SPRY3: variants seen among roughly 807,000 people sequenced by gnomAD.
SPRY3 encodes the protein protein sprouty homolog 3.
SPRY3 carries 15 observed loss-of-function variants against 20.2 expected under a neutral mutation model. That is an observed-to-expected ratio of 0.74 (90% CI 0.50 to 1.14). The LOEUF (loss-of-function observed/expected upper bound fraction) is 1.14. SPRY3 is among the 50% of genes most tolerant of loss of function. SPRY3 has a pLI of 0.00. For missense variants in SPRY3, 364 were observed against 363.9 expected, an observed-to-expected ratio of 1.00 and a Z score of 0.00; for synonymous variants, 143 against 136.5, an observed-to-expected ratio of 1.05 and a Z score of -0.33.
intron 2 of SPRY3, among the ~76,000 whole-genome samples, chrX:155,664,750 T>G (rs1325090715): frequency 9.1e-6 from 1 of 109,498 alleles, no homozygotes; most frequent in African/African-American, 3.3e-5. Context: ...GTAAAAATAA[T>G]AAGAAGAGTA....
intron 2 of SPRY3, among the ~76,000 whole-genome samples, chrX:155,725,448 TG>T (rs1232335929): frequency 6.6e-6 from 1 of 152,212 alleles, no homozygotes; most frequent in Non-Finnish European, 1.5e-5. Context: ...CGTCTGGTCC[TG>T]GACGTTTTTT....
intron 2 of SPRY3, among the ~76,000 whole-genome samples, chrX:155,743,158 A>G (rs1470394801): frequency 1.3e-5 from 2 of 152,180 alleles, no homozygotes; most frequent in Admixed American, 6.5e-5. Flanking sequence ...CCATAGAAAT[A>G]CAAACAACCA....
intron 2 of SPRY3, among the ~76,000 whole-genome samples, chrX:155,707,991 C>A (rs2090962562): frequency 6.6e-6 from 1 of 151,208 alleles, no homozygotes; most frequent in Non-Finnish European, 1.5e-5. Context: ...TTTTGTTCCT[C>A]TTCTACTAGC....
intron 2 of SPRY3, chrX:155,767,716 G>T (rs2091345176): frequency 9.8e-6 from 1 of 102,366 alleles, no homozygotes; most frequent in South Asian, 3.2e-4. Flanking sequence ...AGAGGAGGAG[G>T]AGAAAGAGGA....
intron 1 of SPRY3, among the ~76,000 whole-genome samples, chrX:155,621,075 G>A (rs982986464): frequency 1.2e-4 from 13 of 111,632 alleles, no homozygotes; most frequent in African/African-American, 4.2e-4. Context: ...AATGGCTGCC[G>A]CTTCTATGCT....
At chrX:155,635,255 A>AT (rs1385381049) in intron 1 of SPRY3, among the ~76,000 whole-genome samples, 4 of 111,415 alleles carry the variant, frequency 3.6e-5, no homozygotes, top group Admixed American at 1.9e-4. Flanking sequence ...CATGGTGTGT[A>AT]TGTGCCACAT....
chrX:155,720,222 G>A (rs1246923311), intron 2 of SPRY3, among the ~76,000 whole-genome samples: 3 of 152,130 alleles, frequency 2.0e-5, no homozygotes, highest in Non-Finnish European at 4.4e-5. Context: ...ATTTGGAAAC[G>A]GGAGGGAAGA....
intron 2 of SPRY3, among the ~76,000 whole-genome samples, chrX:155,749,803 A>C (rs923943579): frequency 6.6e-6 from 1 of 151,870 alleles, no homozygotes; most frequent in African/African-American, 2.4e-5. Flanking sequence ...TTGTTGGAGA[A>C]TGAAGAGCTG....
intron 2 of SPRY3, among the ~76,000 whole-genome samples, chrX:155,723,633 T>A (rs2091077620): frequency 6.6e-6 from 1 of 152,204 alleles, no homozygotes; most frequent in East Asian, 1.9e-4. Flanking sequence ...TGTTGTTGTT[T>A]GTTTTTTTCT....
intron 2 of SPRY3, among the ~76,000 whole-genome samples, chrX:155,719,300 C>G (rs1005284012): frequency 9.2e-5 from 14 of 152,074 alleles, no homozygotes; most frequent in Admixed American, 6.6e-5. Flanking sequence ...AATCACCAGC[C>G]CTAATGGTCT....
chrX:155,776,149 G>A (rs1414456257), exon 4 of SPRY3: 2 of 167,060 alleles, frequency 1.2e-5, no homozygotes, highest in African/African-American at 4.8e-5. Flanking sequence ...CAGGAACCAT[G>A]CCTAGTTAGT....
At chrX:155,716,984 AT>A (rs61605297) in intron 2 of SPRY3, among the ~76,000 whole-genome samples, 1 of 118,884 alleles carries the variant, frequency 8.4e-6, no homozygotes, top group African/African-American at 3.5e-5. Flanking sequence ...AATACAAAAT[AT>A]ATATATATAT....
At chrX:155,708,436 T>G (rs2090965365) in intron 2 of SPRY3, among the ~76,000 whole-genome samples, 1 of 151,424 alleles carries the variant, frequency 6.6e-6, no homozygotes, top group African/African-American at 2.4e-5. Context: ...GCTTTCTAAA[T>G]TATTTTCTTT....
intron 2 of SPRY3, among the ~76,000 whole-genome samples, chrX:155,721,099 A>C (rs2091054453): frequency 1.3e-5 from 2 of 152,204 alleles, no homozygotes; most frequent in Non-Finnish European, 2.9e-5. Context: ...TATTGAAATA[A>C]TTTTAAAGAA....
intron 2 of SPRY3, among the ~76,000 whole-genome samples, chrX:155,735,329 T>C (rs769414108): frequency 1.3e-5 from 2 of 152,176 alleles, no homozygotes; most frequent in African/African-American, 4.8e-5. Context: ...ACATTCTATG[T>C]CAATCAGGTC....
chrX:155,634,019 T>C (rs2067915591), intron 1 of SPRY3, among the ~76,000 whole-genome samples: 1 of 109,659 alleles, frequency 9.1e-6, no homozygotes, highest in Non-Finnish European at 1.9e-5. Flanking sequence ...AGGCGGAGGT[T>C]GCAGTGAGCC....
intron 2 of SPRY3, among the ~76,000 whole-genome samples, chrX:155,724,989 T>C (rs2091087631): frequency 1.3e-5 from 2 of 152,148 alleles, no homozygotes; most frequent in African/African-American, 2.4e-5. Context: ...TTGAGATACA[T>C]TCCATCAATA....
chrX:155,729,088 A>AAG (rs2091117187), intron 2 of SPRY3, among the ~76,000 whole-genome samples: 1 of 152,158 alleles, frequency 6.6e-6, no homozygotes, highest in African/African-American at 2.4e-5. Context: ...ATTCAAGCTA[A>AAG]AGAGAGAGAC....
intron 1 of SPRY3, among the ~76,000 whole-genome samples, chrX:155,622,747 A>G (rs2067875549): frequency 1.8e-5 from 2 of 112,042 alleles, no homozygotes; most frequent in South Asian, 3.7e-4. Flanking sequence ...TTATCTGAAG[A>G]TGATACTTTT....
Sources: allele counts gnomAD v4.1 joint callset (sites outside exome capture counted in the v4.1 genomes callset), GRCh38; gene constraint gnomAD v4.1.1; transcripts MANE v1.5; gene names NCBI Gene and HGNC (gene_info 2026-07-23, HGNC 2026-07-21).